The following HCRTR2 variants were observed in gnomAD, a reference collection of about 807,000 sequenced individuals.
HCRTR2 encodes hypocretin receptor 2.
Under a neutral mutation model 49.0 loss-of-function variants are expected in HCRTR2, and 22 were observed. The ratio of observed to expected loss-of-function variants is 0.45; its 90% CI spans 0.32 to 0.64. The LOEUF (loss-of-function observed/expected upper bound fraction) is 0.64, where lower values mean the gene tolerates loss of function less well. Among genes scored for constraint, HCRTR2 ranks in the 30% least tolerant of loss-of-function variants. HCRTR2 has a pLI of 0.04. For missense variants in HCRTR2, 491 were observed against 559.4 expected (o/e 0.88, Z 1.23); for synonymous variants, 236 against 205.3 (o/e 1.15, Z -1.28).
At chr6:55,281,420 G>A (rs1767187357) in intron 6 of HCRTR2, among the ~76,000 whole-genome samples, 1 of 152,180 alleles carries the variant, frequency 6.6e-6, no homozygotes. Context: ...CACAGAACCA[G>A]GTCAAAGTCC....
chr6:55,133,601 T>C (rs920602527), intron 1 of HCRTR2, among the ~76,000 whole-genome samples: 2 of 151,878 alleles, frequency 1.3e-5, no homozygotes, highest in Admixed American at 1.3e-4. Context: ...CAATGAAACA[T>C]TGTACGTTCT....
At chr6:55,149,814 AT>A (rs1193309720) in intron 1 of HCRTR2, among the ~76,000 whole-genome samples, 1 of 152,108 alleles carries the variant, frequency 6.6e-6, no homozygotes, top group Non-Finnish European at 1.5e-5. Context: ...ATTTGAATAC[AT>A]TAGTTAAACA....
intron 1 of HCRTR2, among the ~76,000 whole-genome samples, chr6:55,211,639 C>G (rs1185343949): frequency 6.6e-6 from 1 of 152,108 alleles, no homozygotes; most frequent in Non-Finnish European, 1.5e-5. Context: ...TATGACTTTT[C>G]CTTTTCAACT....
At chr6:55,138,964 C>T (rs1764470606) in intron 1 of HCRTR2, among the ~76,000 whole-genome samples, 3 of 152,186 alleles carry the variant, frequency 2.0e-5, no homozygotes, top group Admixed American at 2.0e-4. Flanking sequence ...TGGAAGCCCT[C>T]TCTGAGGAGT....
chr6:55,195,314 A>C (rs547068061), intron 1 of HCRTR2, among the ~76,000 whole-genome samples: 6 of 152,324 alleles, frequency 3.9e-5, no homozygotes, highest in African/African-American at 9.6e-5. Flanking sequence ...AAAGTTTTAA[A>C]ATGTATTTAG....
chr6:55,155,385 G>C (rs72977410), intron 1 of HCRTR2, among the ~76,000 whole-genome samples: 2 of 151,834 alleles, frequency 1.3e-5, no homozygotes, highest in Non-Finnish European at 2.9e-5. Flanking sequence ...CACTTAATGA[G>C]CTCTGAGCCA....
intron 1 of HCRTR2, among the ~76,000 whole-genome samples, chr6:55,160,532 C>A (rs1459387497): frequency 1.3e-5 from 2 of 152,166 alleles, no homozygotes; most frequent in South Asian, 2.1e-4. Flanking sequence ...TTAAGAGACA[C>A]AGACTGGCAA....
chr6:55,180,500 G>A lies in HCRTR2; in HGVS notation c.223+5690G>A, dbSNP rs374395727. Among the ~76,000 whole-genome samples the A allele has an allele frequency of 9.9e-5, 15 of 152,262 alleles. No individual in the cohort carries two copies. In the South Asian group the frequency reaches 1.0e-3, roughly 11 times the overall value. ...CTCATTTGATAAGCCAATCAAGGTCGGGCTAGGGTTACTTTACAAGAGAAA... is the reference window on the plus strand; with the variant it reads ...CTCATTTGATAAGCCAATCAAGGTCAGGCTAGGGTTACTTTACAAGAGAAA... On this transcript the variant is annotated intron_variant, in intron 1 of 6. Transcript: ENST00000370862.
intron 1 of HCRTR2, among the ~76,000 whole-genome samples, chr6:55,209,042 C>T (rs1765653373): frequency 6.6e-6 from 1 of 152,118 alleles, no homozygotes; most frequent in South Asian, 2.1e-4. Flanking sequence ...TCTAAGATAA[C>T]TATAGTGCAT....
At chr6:55,228,414 T>G (rs2127298938) in intron 1 of HCRTR2, among the ~76,000 whole-genome samples, 1 of 152,326 alleles carries the variant, frequency 6.6e-6, no homozygotes, top group South Asian at 2.1e-4. Context: ...TTGATGCTGC[T>G]TCTTAGCATC....
chr6:55,178,942 A>C (rs555676080), intron 1 of HCRTR2, among the ~76,000 whole-genome samples: 1 of 152,354 alleles, frequency 6.6e-6, no homozygotes, highest in Non-Finnish European at 1.5e-5. Context: ...TGTTTTAAAT[A>C]ACACACACAT....
intron 5 of HCRTR2, 26 bp downstream of exon 5, chr6:55,277,626 T>C (rs752754708): frequency 4.7e-6 from 7 of 1,502,468 alleles, no homozygotes; most frequent in Non-Finnish European, 4.6e-6. Flanking sequence ...TATTTGAAAA[T>C]GAAATAGCCT....
chr6:55,245,958 G>A (rs772659284), intron 1 of HCRTR2, among the ~76,000 whole-genome samples: 16 of 151,950 alleles, frequency 1.1e-4, no homozygotes, highest in Non-Finnish European at 2.1e-4. Flanking sequence ...ATTGCAGTAG[G>A]GTGGGCCTTT....
At chr6:55,200,049 C>G (rs1033575872) in intron 1 of HCRTR2, among the ~76,000 whole-genome samples, 2 of 152,096 alleles carry the variant, frequency 1.3e-5, no homozygotes, top group South Asian at 4.1e-4. Flanking sequence ...GTAAATATTG[C>G]CATCCATCAG....
At chr6:55,140,267 G>A (rs927070638) in intron 1 of HCRTR2, among the ~76,000 whole-genome samples, 1 of 151,870 alleles carries the variant, frequency 6.6e-6, no homozygotes, top group Non-Finnish European at 1.5e-5. Flanking sequence ...AAAATATTAA[G>A]GCCTATAGAA....
intron 1 of HCRTR2, among the ~76,000 whole-genome samples, chr6:55,116,028 T>A (rs1764111356): frequency 6.6e-6 from 1 of 151,714 alleles, no homozygotes; most frequent in Non-Finnish European, 1.5e-5. Flanking sequence ...TGTAGCCTCA[T>A]GGGATTTTTT....
intron 4 of HCRTR2, 27 bp downstream of exon 4, chr6:55,263,849 C>G: frequency 8.0e-7 from 1 of 1,249,192 alleles, no homozygotes; most frequent in Non-Finnish European, 1.2e-6. Context: ...ATTTTGCGTG[C>G]ATTATTCCTC....
At chr6:55,158,974 C>T (rs1262913089) in intron 1 of HCRTR2, among the ~76,000 whole-genome samples, 1 of 152,174 alleles carries the variant, frequency 6.6e-6, no homozygotes, top group Non-Finnish European at 1.5e-5. Flanking sequence ...AGACTGCCTC[C>T]TCAAGTGGGT....
intron 1 of HCRTR2, among the ~76,000 whole-genome samples, chr6:55,162,639 G>A (rs1365998989): frequency 1.3e-5 from 2 of 152,158 alleles, no homozygotes; most frequent in Admixed American, 6.5e-5. Context: ...CTTCAGCAAA[G>A]TCTCAGGATA....
Sources: gnomAD v4.1 joint callset for allele counts (sites outside exome capture counted in the v4.1 genomes callset) on GRCh38, gnomAD v4.1.1 for gene constraint, MANE v1.5 for transcripts, NCBI Gene and HGNC (gene_info 2026-07-23, HGNC 2026-07-21) for gene names.